The following ABTB2 variants were observed in gnomAD, a reference collection of about 807,000 sequenced individuals.
The protein encoded by ABTB2 is ankyrin repeat and BTB/POZ domain-containing protein 2.
ABTB2 carries 56 observed loss-of-function variants against 104.1 expected under a neutral mutation model. The ratio of observed to expected loss-of-function variants is 0.54; its 90% CI spans 0.43 to 0.67. ABTB2 has a LOEUF of 0.67. Ranked by LOEUF, ABTB2 falls within the 30% of genes least tolerant of loss-of-function variation. The probability of loss-of-function intolerance (pLI) is 0.00; values close to 1 mark genes in which losing one functional copy is unlikely to be tolerated. For synonymous variants in ABTB2, 606 were observed against 608.2 expected, an observed-to-expected ratio of 1.00 and a Z score of 0.05; for missense variants, 1,279 against 1,407.7, an observed-to-expected ratio of 0.91 and a Z score of 1.46.
At chr11:34,349,751 G>A (rs1274521016) in intron 1 of ABTB2, among the ~76,000 whole-genome samples, 1 of 152,184 alleles carries the variant, frequency 6.6e-6, no homozygotes, top group African/African-American at 2.4e-5. Flanking sequence ...ATTTTTGATG[G>A]TCTCAACTGG....
rs147662725 is a variant in ABTB2, at chr11:34,180,068, A to G, written c.1245-6761T>C. ...ACAGAGAAAATATATAATAGCAAAA[A>G]GGGCTATAGGAATCTGGTTCTATTA... On this transcript the variant is annotated intron_variant, in intron 3 of 16. Transcript: ENST00000435224. 3.7e-3 allele frequency among the ~76,000 whole-genome samples: 565 copies of G among 152,364 alleles called. 6 individuals carry two copies. Among genetic ancestry groups the G allele is most frequent in the African/African-American group, 0.013 (525 of 41,584 alleles).
rs746416317 is a variant in ABTB2, at chr11:34,356,901, G to A, written c.683C>T (p.Ala228Val). Residue 228 changes from alanine to valine, a missense_variant, in exon 1 of 17, where the codon GCC (alanine) becomes GTC (valine). Physicochemically the swap from Ala to Val is moderately conservative, Grantham distance 64. Coordinates refer to ENST00000435224, the MANE Select transcript of ABTB2 (RefSeq NM_145804.3). The surrounding 1 kb of genome is among the most constrained non-coding windows in gnomAD (Gnocchi z 4.6). The part of the protein sequence containing the change: ...RISVRIHEYA[A>V]ISLTACMENL... ...CTCCATGCAGGCGGTGAGGGAGATG[G>A]CTGCGTACTCGTGGATGCGCACGGA... 1 of 1,603,194 alleles carries A rather than the reference G, an allele frequency of 6.2e-7. No individual in the cohort carries two copies. The highest frequency in any genetic ancestry group is 1.1e-5 in the South Asian group (1 of 89,368).
At position 34,160,345 on chromosome 11, in the gene ABTB2, G is replaced by A. The variant is rs554968298; in HGVS notation, c.2406C>T (p.Ser802=). 13 of 1,613,848 alleles carry A rather than the reference G, an allele frequency of 8.1e-6. No homozygotes were observed. Among genetic ancestry groups the A allele is most frequent in the East Asian group, 4.5e-5 (2 of 44,856 alleles). The change falls in exon 12 of 17, where the codon TCC becomes TCT. Residue 802 remains serine, a synonymous_variant. Transcript: ENST00000435224. ...AGATGGTAGCCAGTTGCTGGATGAC[G>A]GAGTCGTTCTGTGGGGAGAGGAGAG... ...FDILKTSKND[S]VIQQLATIFT... is the part of the protein sequence containing the mutation.
At chr11:34,214,527 T>G (rs1853525304) in intron 1 of ABTB2, among the ~76,000 whole-genome samples, 1 of 140,756 alleles carries the variant, frequency 7.1e-6, no homozygotes, top group Admixed American at 7.3e-5. Context: ...ATGTTAAAAA[T>G]ACCACTTTTT....
At chr11:34,195,082 G>GGGGT (rs1222492513) in intron 3 of ABTB2, among the ~76,000 whole-genome samples, 1 of 94,946 alleles carries the variant, frequency 1.1e-5, no homozygotes, top group African/African-American at 3.4e-5. Flanking sequence ...CGGCGGGGGG[G>GGGGT]GGGAGTGGGG....
intron 1 of ABTB2, among the ~76,000 whole-genome samples, chr11:34,261,647 C>A (rs1223951896): frequency 6.6e-6 from 1 of 152,088 alleles, no homozygotes; most frequent in African/African-American, 2.4e-5. Flanking sequence ...CTTAAGAAAA[C>A]CTGATGCTGA....
Position 34,159,992 on chromosome 11 carries a change from G to A in ABTB2, c.2520C>T (p.Asn840=), listed in dbSNP as rs1316129843. Reference sequence around the variant, plus strand: ...AGGTCACATCTGACATCTCCTTATTGTTCAAAAAGTGTGGATCTGTGAAAA... The same window carrying A: ...AGGTCACATCTGACATCTCCTTATTATTCAAAAAGTGTGGATCTGTGAAAA... ...LPARLDPHFL[N]NKEMSDVTFL... is the part of the protein sequence containing the mutation. The change falls in exon 13 of 17, where the codon AAC becomes AAT. Residue 840 remains asparagine (N), a synonymous_variant. Coordinates refer to ENST00000435224, the MANE Select transcript of ABTB2 (RefSeq NM_145804.3). 6.2e-7 allele frequency: 1 copy of A among 1,613,506 alleles called. No homozygotes were observed. Among genetic ancestry groups the A allele is most frequent in the South Asian group, 1.1e-5 (1 of 91,046 alleles).
intron 1 of ABTB2, among the ~76,000 whole-genome samples, chr11:34,305,566 G>T (rs1325684099): frequency 6.6e-6 from 1 of 152,182 alleles, no homozygotes; most frequent in Non-Finnish European, 1.5e-5. Flanking sequence ...AGCTTGACAG[G>T]AAATGTGTGG....
At chr11:34,296,179 C>T (rs1040115841) in intron 1 of ABTB2, among the ~76,000 whole-genome samples, 3 of 152,130 alleles carry the variant, frequency 2.0e-5, no homozygotes, top group Non-Finnish European at 4.4e-5. Flanking sequence ...ATGGTGTGTG[C>T]GTATTCTTCA....
At chr11:34,323,498 A>C (rs1430104613) in intron 1 of ABTB2, among the ~76,000 whole-genome samples, 2 of 152,070 alleles carry the variant, frequency 1.3e-5, no homozygotes, top group African/African-American at 4.8e-5. Context: ...TTTCTCCTTG[A>C]GTCTTTCACA....
chr11:34,253,662 C>T (rs1243255156), intron 1 of ABTB2, among the ~76,000 whole-genome samples: 2 of 147,192 alleles, frequency 1.4e-5, no homozygotes, highest in Admixed American at 6.8e-5. Context: ...CGCAATAGAG[C>T]GAGATTCCGT....
intron 1 of ABTB2, among the ~76,000 whole-genome samples, chr11:34,301,602 T>C (rs1307831832): frequency 6.6e-6 from 1 of 152,252 alleles, no homozygotes; most frequent in South Asian, 2.1e-4. Flanking sequence ...CATTTCCCTC[T>C]GCCTGTGACC....
At chr11:34,248,684 TA>T (rs1333111462) in intron 1 of ABTB2, among the ~76,000 whole-genome samples, 4 of 152,218 alleles carry the variant, frequency 2.6e-5, no homozygotes. Flanking sequence ...ACAAGTTAAT[TA>T]GTTCACAAGT....
intron 1 of ABTB2, among the ~76,000 whole-genome samples, chr11:34,271,302 T>C (rs967044824): frequency 1.3e-5 from 2 of 152,200 alleles, no homozygotes; most frequent in South Asian, 2.1e-4. Flanking sequence ...AACATGGTGA[T>C]TGATAATGCT....
Position 34,357,490 on chromosome 11 carries a change from G to T in ABTB2, c.94C>A (p.Leu32Ile). 6.5e-7 allele frequency: 1 copy of T among 1,544,350 alleles called. No homozygotes were observed. Among genetic ancestry groups the T allele is most frequent in the Non-Finnish European group, 8.7e-7 (1 of 1,146,830 alleles). The change falls in exon 1 of 17, where the codon CTC (leucine) becomes ATC (isoleucine). Residue 32 changes from leucine (L) to isoleucine (I), a missense_variant. By Grantham distance (5) the Leu-to-Ile change is conservative. Coordinates refer to ENST00000435224, the MANE Select transcript of ABTB2 (RefSeq NM_145804.3). ...GAGDSCRSLS[L>I]SSSKSNSQAL... ...TGCGAGTTGGACTTGGAGGACGAGAGGCTGAGCGAGCGGCACGAGTCCCCG... is the reference window on the plus strand; with the variant it reads ...TGCGAGTTGGACTTGGAGGACGAGATGCTGAGCGAGCGGCACGAGTCCCCG...
intron 1 of ABTB2, among the ~76,000 whole-genome samples, chr11:34,287,185 G>GAAA (rs34599793): frequency 9.4e-6 from 1 of 105,920 alleles, no homozygotes; most frequent in Non-Finnish European, 2.0e-5. Context: ...TGTCTTTATT[G>GAAA]AAAAAAAAAA....
In ABTB2 at chr11:34,244,421, A is replaced by T. The variant is rs141526072; in HGVS notation, c.884-39731T>A. On this transcript the variant is annotated intron_variant, in intron 1 of 16. Transcript: ENST00000435224. The stretch of plus-strand genomic sequence containing the variant: ...AAACCCTGCACATTTTTAGCATGTG[A>T]CTAGAATAATCCACATCAGGGCCCC... 2.3e-4 allele frequency among the ~76,000 whole-genome samples: 35 copies of T among 152,362 alleles called. No individual in the cohort carries two copies. The East Asian group carries it at 6.7e-3, about 29-fold the overall frequency.
At chr11:34,287,041 T>C (rs1367840967) in intron 1 of ABTB2, among the ~76,000 whole-genome samples, 2 of 152,046 alleles carry the variant, frequency 1.3e-5, no homozygotes, top group African/African-American at 2.4e-5. Context: ...AATGAATACA[T>C]GTGTTAACTC....
intron 2 of ABTB2, among the ~76,000 whole-genome samples, chr11:34,200,230 GA>G (rs757487655): frequency 6.6e-6 from 1 of 152,200 alleles, no homozygotes; most frequent in African/African-American, 2.4e-5. Flanking sequence ...AAACCTTGTT[GA>G]AATAACATTT....
Sources: allele counts gnomAD v4.1 joint callset (sites outside exome capture counted in the v4.1 genomes callset), GRCh38; gene constraint gnomAD v4.1.1; non-coding constraint Gnocchi (gnomAD v3.1); transcripts MANE v1.5; gene names NCBI Gene and HGNC (gene_info 2026-07-23, HGNC 2026-07-21).